PHACTR2: variants seen among roughly 807,000 people sequenced by gnomAD.
PHACTR2 encodes the protein phosphatase and actin regulator 2, also known as chromosome 6 open reading frame 56.
In PHACTR2, 30 loss-of-function variants were observed where a neutral mutation model predicts 76.0. The observed-to-expected ratio is 0.39, with a 90% CI of 0.30 to 0.54. PHACTR2 has a LOEUF of 0.54. Ranked by LOEUF, PHACTR2 falls within the 20% of genes least tolerant of loss-of-function variation. PHACTR2 has a pLI of 0.61. For missense variants in PHACTR2, 696 were observed against 781.1 expected (o/e 0.89, Z 1.30); for synonymous variants, 292 against 292.5 (o/e 1.00, Z 0.02).
At chr6:143,716,613 A>G (rs1373262306) in intron 2 of PHACTR2, among the ~76,000 whole-genome samples, 1 of 152,240 alleles carries the variant, frequency 6.6e-6, no homozygotes, top group Non-Finnish European at 1.5e-5. Flanking sequence ...TGCTGAGAGT[A>G]CAGGCGTGAG....
intron 2 of PHACTR2, among the ~76,000 whole-genome samples, chr6:143,720,293 C>T (rs1778410024): frequency 6.6e-6 from 1 of 152,042 alleles, no homozygotes; most frequent in Non-Finnish European, 1.5e-5. Flanking sequence ...GAGAAGGAAG[C>T]AGAAAATAAA....
At chr6:143,677,872 C>T (rs1415455758), upstream of PHACTR2, 1 of 175,322 alleles carries the variant, frequency 5.7e-6, no homozygotes, top group African/African-American at 2.4e-5. Context: ...CGCCCTCCCC[C>T]CGCTTCCCCC....
chr6:143,604,123 A>T (rs1457223989), upstream of PHACTR2, among the ~76,000 whole-genome samples: 1 of 151,876 alleles, frequency 6.6e-6, no homozygotes, highest in African/African-American at 2.4e-5. Context: ...AAGAGAAAAG[A>T]AAAGAAGACA....
At chr6:143,687,641 T>C (rs1289994572) in intron 1 of PHACTR2, among the ~76,000 whole-genome samples, 1 of 152,230 alleles carries the variant, frequency 6.6e-6, no homozygotes, top group African/African-American at 2.4e-5. Context: ...TTATCATTTA[T>C]ATTTATAAAC....
rs1218418590 is a variant in PHACTR2, at chr6:143,708,785, T to A, written c.47-3231T>A. Among the ~76,000 whole-genome samples, 1 of 152,226 alleles carries A rather than the reference T, an allele frequency of 6.6e-6. No individual in the cohort carries two copies. The highest frequency in any genetic ancestry group is 2.4e-5 in the African/African-American group (1 of 41,468). ...AACATATGGTTTCTAATTGCAAATATGGTCTATGATAGGGGAAAAATAGGC... is the reference window on the plus strand; with the variant it reads ...AACATATGGTTTCTAATTGCAAATAAGGTCTATGATAGGGGAAAAATAGGC... On this transcript the variant is annotated intron_variant, in intron 1 of 12. Coordinates refer to ENST00000440869, the MANE Select transcript of PHACTR2 (RefSeq NM_001100164.2). This position sits in a 1 kb window ranked among gnomAD's most constrained non-coding sequence, Gnocchi z 5.5.
rs924995160 is a variant in PHACTR2 at position 143,764,086 on chromosome 6, C to T, written c.695-1175C>T. Among the ~76,000 whole-genome samples the T allele has an allele frequency of 2.0e-5, 3 of 152,158 alleles. No individual in the cohort carries two copies. Among genetic ancestry groups the T allele is most frequent in the African/African-American group, 4.8e-5 (2 of 41,440 alleles). On this transcript the variant is annotated intron_variant, in intron 5 of 12. Transcript: ENST00000440869. The surrounding 1 kb of genome is among the most constrained non-coding windows in gnomAD (Gnocchi z 4.7). ...CTGTTTTGATTGAGGGTGCCCTATCCGGAAGTAGGCAAATATACCATAGCT... is the reference window on the plus strand; with the variant it reads ...CTGTTTTGATTGAGGGTGCCCTATCTGGAAGTAGGCAAATATACCATAGCT...
At chr6:143,667,470 T>A (rs1322747268) in intron 1 of PHACTR2, among the ~76,000 whole-genome samples, 1 of 152,232 alleles carries the variant, frequency 6.6e-6, no homozygotes, top group Non-Finnish European at 1.5e-5. Flanking sequence ...TTGGACAGTA[T>A]GGCCATTTTT....
chr6:143,703,521 C>T (rs9386043), intron 1 of PHACTR2, among the ~76,000 whole-genome samples: 34,002 of 151,960 alleles, frequency 0.22, 4,009 homozygotes, highest in East Asian at 0.37. Flanking sequence ...AGCAGGGTTA[C>T]GAGCAATCTT....
chr6:143,567,554 G>A (rs9403509), intron 1 of PHACTR2, among the ~76,000 whole-genome samples: 93,223 of 151,994 alleles, frequency 0.61, 28,929 homozygotes, highest in Middle Eastern at 0.72. Flanking sequence ...ACACGCCGCC[G>A]CGCCTGGTGA....
At position 143,760,656 on chromosome 6, in the gene PHACTR2, G is replaced by C. The variant is rs1274310405; in HGVS notation, c.694+16G>C. 4.3e-6 allele frequency: 7 copies of C among 1,613,166 alleles called. No homozygotes were observed. The highest frequency in any genetic ancestry group is 1.1e-5 in the South Asian group (1 of 91,022). The stretch of plus-strand genomic sequence containing the variant: ...CGAGAGGCTGGTGAGTATGCCCCCA[G>C]TGCCCTGTGGGGTCACTTCTAGGGT... On this transcript the variant is annotated intron_variant, in intron 5 of 12. Coordinates refer to ENST00000440869, the MANE Select transcript of PHACTR2 (RefSeq NM_001100164.2). This position sits in a 1 kb window ranked among gnomAD's most constrained non-coding sequence, Gnocchi z 6.4.
rs1485243337 is a variant in PHACTR2, at chr6:143,821,245, C to T, written c.1923-2429C>T. Among the ~76,000 whole-genome samples the T allele has an allele frequency of 6.6e-6, 1 of 152,240 alleles. No homozygotes were observed. Among genetic ancestry groups the T allele is most frequent in the Non-Finnish European group, 1.5e-5 (1 of 68,040 alleles). On this transcript the variant is annotated intron_variant, in intron 12 of 12. Coordinates refer to ENST00000440869, the MANE Select transcript of PHACTR2 (RefSeq NM_001100164.2). This position sits in a 1 kb window ranked among gnomAD's most constrained non-coding sequence, Gnocchi z 5.2. ...ACATTCCTGCTTTAGTAATAAATTG[C>T]CTACCAGTTTTGTAAAGCTTGGTAT... is the stretch of plus-strand genomic sequence containing the variant.
chr6:143,694,276 A>T (rs1379132729), intron 1 of PHACTR2, among the ~76,000 whole-genome samples: 1 of 151,988 alleles, frequency 6.6e-6, no homozygotes, highest in Non-Finnish European at 1.5e-5. Flanking sequence ...GAAAAAAGGA[A>T]ATAAATAAAG....
rs1347035264 is a variant in PHACTR2 at position 143,684,509 on chromosome 6, A to G, written c.46+6300A>G. On this transcript the variant is annotated intron_variant, in intron 1 of 12. Transcript: ENST00000440869. This position sits in a 1 kb window ranked among gnomAD's most constrained non-coding sequence, Gnocchi z 4.3. The stretch of plus-strand genomic sequence containing the variant: ...TGGACAACTATAAACTACATGTCCT[A>G]ATGACATATTAGCAGTAGAGTTGCT... Among the ~76,000 whole-genome samples, 1 of 152,230 alleles carries G rather than the reference A, an allele frequency of 6.6e-6. No homozygotes were observed. Among genetic ancestry groups the G allele is most frequent in the Non-Finnish European group, 1.5e-5 (1 of 68,044 alleles).
At chr6:143,785,846 A>G (rs948248334) in intron 10 of PHACTR2, among the ~76,000 whole-genome samples, 1 of 152,360 alleles carries the variant, frequency 6.6e-6, no homozygotes, top group Non-Finnish European at 1.5e-5. Context: ...GCTGGGGCAC[A>G]GGGCACCAAG....
intron 2 of PHACTR2, among the ~76,000 whole-genome samples, chr6:143,737,899 A>G (rs1778855600): frequency 6.6e-6 from 1 of 152,158 alleles, no homozygotes; most frequent in African/African-American, 2.4e-5. Context: ...TAGGTAGTGG[A>G]CAGAATGTGA....
At position 143,537,193 on chromosome 6, in the gene PHACTR2, A is replaced by G; in HGVS notation, c.203A>G (p.His68Arg). 3.4e-6 allele frequency: 1 copy of G among 292,956 alleles called. No homozygotes were observed. Among genetic ancestry groups the G allele is most frequent in the Non-Finnish European group, 6.6e-6 (1 of 150,498 alleles). The allele number at this position is 292,956 out of a possible 1,614,324, so 18.1% of individuals were successfully genotyped here. Reference sequence around the variant, plus strand: ...AGCAGGGGCCGCCCGCTCCGGGTCCACATCTCCGGCTCAGGTAAGAGCGGC... The same window carrying G: ...AGCAGGGGCCGCCCGCTCCGGGTCCGCATCTCCGGCTCAGGTAAGAGCGGC... The change falls in exon 1 of 12, where the codon CAC becomes CGC. Residue 68 changes from histidine to arginine, a missense_variant. Transcript: ENST00000367584. This position sits in a 1 kb window ranked among gnomAD's most constrained non-coding sequence, Gnocchi z 4.4.
Position 143,783,397 on chromosome 6 carries a change from T to C in PHACTR2, c.1707+117T>C. 6.7e-6 allele frequency: 4 copies of C among 597,492 alleles called. No individual in the cohort carries two copies. The South Asian group carries it at 6.8e-5, about 10-fold the overall frequency. The allele number at this position is 597,492 out of a possible 1,614,324, so 37.0% of individuals were successfully genotyped here. Reference sequence around the variant, plus strand: ...GTTTAGAAATAATTATTCCTATTAGTCTATAATCATAGACATCAAAATCAC... The same window carrying C: ...GTTTAGAAATAATTATTCCTATTAGCCTATAATCATAGACATCAAAATCAC... On this transcript the variant is annotated intron_variant, in intron 10 of 12. Coordinates refer to ENST00000440869, the MANE Select transcript of PHACTR2 (RefSeq NM_001100164.2). The surrounding 1 kb of genome is among the most constrained non-coding windows in gnomAD (Gnocchi z 5.2).
Position 143,647,450 on chromosome 6 carries a change from C to A in PHACTR2, c.13+39128C>A, listed in dbSNP as rs564588742. 6.6e-6 allele frequency among the ~76,000 whole-genome samples: 1 copy of A among 152,372 alleles called. No homozygotes were observed. The highest frequency in any genetic ancestry group is 6.5e-5 in the Admixed American group (1 of 15,312). On this transcript the variant is annotated intron_variant, in intron 1 of 11. Transcript: ENST00000305766. This position sits in a 1 kb window ranked among gnomAD's most constrained non-coding sequence, Gnocchi z 4.2. The stretch of plus-strand genomic sequence containing the variant: ...TTCATTCACACCTACAGTGTGCCAG[C>A]TCCCAGTGTAGTCTAGGTATACTAT...
chr6:143,670,800 G>T (rs1253330075), intron 1 of PHACTR2, among the ~76,000 whole-genome samples: 1 of 152,044 alleles, frequency 6.6e-6, no homozygotes, highest in Non-Finnish European at 1.5e-5. Flanking sequence ...TGCTCCTTTA[G>T]CTCAGAGGAG....
Sources: allele counts gnomAD v4.1 joint callset (sites outside exome capture counted in the v4.1 genomes callset), GRCh38; gene constraint gnomAD v4.1.1; non-coding constraint Gnocchi (gnomAD v3.1); transcripts MANE v1.5; gene names NCBI Gene and HGNC (gene_info 2026-07-23, HGNC 2026-07-21).